CYFIP1: variants seen among roughly 807,000 people sequenced by gnomAD.
CYFIP1 encodes the protein cytoplasmic FMR1-interacting protein 1.
A neutral mutation model predicts 163.5 loss-of-function variants in CYFIP1; 58 were observed. The ratio of observed to expected loss-of-function variants is 0.35; its 90% CI spans 0.29 to 0.44. The LOEUF (loss-of-function observed/expected upper bound fraction) is 0.44. CYFIP1 is among the 20% of genes least tolerant of loss of function. CYFIP1 has a pLI of 1.00. For missense variants in CYFIP1, 1,338 were observed against 1,653.8 expected, an observed-to-expected ratio of 0.81 and a Z score of 3.31; for synonymous variants, 663 against 660.7, an observed-to-expected ratio of 1.00 and a Z score of -0.05.
rs935745353 is a variant in CYFIP1 at position 22,869,401 on chromosome 15, G to C, written c.*627C>G. The C allele has an allele frequency of 6.6e-6, 1 of 152,248 alleles. No homozygotes were observed. The highest frequency in any genetic ancestry group is 1.5e-5 in the Non-Finnish European group (1 of 68,102). The allele number at this position is 152,248 out of a possible 1,614,324, so 9.4% of individuals were successfully genotyped here. A position where few individuals can be genotyped will look rare whatever the true frequency, so the allele number is the denominator to read the frequency against. ...CCATCCCAGCTGGCCTGGTATGTGA[G>C]TTCAGGTTAGAGTTCCTTGCCAAGC... On this transcript the variant is annotated 3_prime_UTR_variant, in exon 31 of 31. Transcript: ENST00000617928.
chr15:22,879,866 G>T, intron 26 of CYFIP1, 47 bp downstream of exon 26: 1 of 1,432,998 alleles, frequency 7.0e-7, no homozygotes, highest in Non-Finnish European at 9.5e-7. Flanking sequence ...GTGGGGTGGG[G>T]TGGGGTGGGC....
At chr15:22,876,733 A>C (rs1443138117) in intron 26 of CYFIP1, among the ~76,000 whole-genome samples, 1 of 152,056 alleles carries the variant, frequency 6.6e-6, no homozygotes, top group Non-Finnish European at 1.5e-5. Flanking sequence ...CGGGAGACTG[A>C]GGCAGGAGAA....
chr15:22,904,010 G>C, intron 21 of CYFIP1, 105 bp from the exon 22 acceptor site: 1 of 1,055,970 alleles, frequency 9.5e-7, no homozygotes. Context: ...TGGCAGGGCT[G>C]CACGGAGGCA....
intron 1 of CYFIP1, among the ~76,000 whole-genome samples, chr15:22,949,987 A>G (rs1167525191): frequency 6.6e-6 from 1 of 152,166 alleles, no homozygotes; most frequent in African/African-American, 2.4e-5. Flanking sequence ...AAATTAACAT[A>G]CTTTTTAAAA....
Position 22,867,064 on chromosome 15 carries a change from T to C in CYFIP1, c.*2964A>G. ...CAGCACATGACGATTTCTATTAACA[T>C]TTTATTGTTGTAGAAGTATTTTACA... On this transcript the variant is annotated 3_prime_UTR_variant, in exon 31 of 31. Transcript: ENST00000617928. The C allele has an allele frequency of 1.9e-6, 1 of 520,300 alleles. No individual in the cohort carries two copies. The highest frequency in any genetic ancestry group is 3.3e-6 in the Non-Finnish European group (1 of 299,424). 32.2% of individuals were successfully genotyped at this position (520,300 alleles called of 1,614,324 possible). A position where few individuals can be genotyped will look rare whatever the true frequency, so the allele number is the denominator to read the frequency against.
chr15:22,870,414 T>C (rs1595476633), intron 30 of CYFIP1, among the ~76,000 whole-genome samples: 1 of 151,872 alleles, frequency 6.6e-6, no homozygotes, highest in South Asian at 2.1e-4. Context: ...CCTCAAGACA[T>C]CCTCCCACCT....
At chr15:22,881,604 T>C (rs982801688) in intron 25 of CYFIP1, among the ~76,000 whole-genome samples, 2 of 152,028 alleles carry the variant, frequency 1.3e-5, no homozygotes, top group African/African-American at 2.4e-5. Context: ...GGCAATTCTT[T>C]CGTAGGGGTG....
At chr15:22,928,762 C>A (rs2061439828) in intron 11 of CYFIP1, among the ~76,000 whole-genome samples, 1 of 152,162 alleles carries the variant, frequency 6.6e-6, no homozygotes, top group Non-Finnish European at 1.5e-5. Flanking sequence ...TAGAACCACA[C>A]AAATATTTTA....
intron 1 of CYFIP1, among the ~76,000 whole-genome samples, chr15:22,964,306 ACACACAC>A (rs1421423868): frequency 2.3e-4 from 26 of 112,222 alleles, no homozygotes; most frequent in African/African-American, 7.1e-4. Flanking sequence ...ACACACACAC[ACACACAC>A]AACTGGCGGC....
intron 1 of CYFIP1, among the ~76,000 whole-genome samples, chr15:22,975,532 G>A (rs1000860121): frequency 6.6e-6 from 1 of 151,820 alleles, no homozygotes; most frequent in African/African-American, 2.4e-5. Context: ...AGGCAGAGGC[G>A]GGCAGATCAC....
chr15:22,962,421 G>A (rs7182234), intron 1 of CYFIP1, among the ~76,000 whole-genome samples: 2,682 of 144,612 alleles, frequency 0.019, 67 homozygotes, highest in East Asian at 0.11. Context: ...TTCTTGAGAC[G>A]GAGTTTTGCT....
chr15:22,900,686 CACCGTGCCTG>C (rs1251687000), intron 22 of CYFIP1, among the ~76,000 whole-genome samples: 3 of 151,580 alleles, frequency 2.0e-5, no homozygotes, highest in Non-Finnish European at 4.4e-5. Flanking sequence ...AGGCATGAGC[CACCGTGCCTG>C]GCCGAGCCTG....
chr15:22,901,210 C>CAA lies in CYFIP1; in HGVS notation c.2588+2494_2588+2495dup, dbSNP rs564175833. On this transcript the variant is annotated intron_variant, in intron 22 of 30. Coordinates refer to ENST00000617928, the MANE Select transcript of CYFIP1 (RefSeq NM_014608.6). ...AGAGTAAGACTCTGTCACAAAAAAACAAAAAAAAAAACCAAAAAAACAACT... is the reference window on the plus strand; with the variant it reads ...AGAGTAAGACTCTGTCACAAAAAAACAAAAAAAAAAAAACCAAAAAAACAACT... 2.4e-3 allele frequency among the ~76,000 whole-genome samples: 332 copies of CAA among 141,094 alleles called. 1 individual carries two copies. The highest frequency in any genetic ancestry group is 8.3e-3 in the African/African-American group (318 of 38,428). 92.6% of individuals were successfully genotyped at this position (141,094 alleles called of 152,430 possible).
In CYFIP1 at chr15:22,892,829, C is replaced by T. The variant is rs2060117408; in HGVS notation, c.2676+61G>A. ...CACTGCAACCAAACCAATTAAACTA[C>T]ACTTCAAAACATGCTTCATTATGAG... On this transcript the variant is annotated intron_variant, in intron 23 of 30. Coordinates refer to ENST00000617928, the MANE Select transcript of CYFIP1 (RefSeq NM_014608.6). 7.9e-6 allele frequency: 10 copies of T among 1,271,070 alleles called. No individual in the cohort carries two copies. In the East Asian group the frequency reaches 1.4e-4, roughly 18 times the overall value. 78.7% of individuals were successfully genotyped at this position (1,271,070 alleles called of 1,614,324 possible).
At chr15:22,942,830 C>G (rs540785052) in intron 6 of CYFIP1, among the ~76,000 whole-genome samples, 6 of 152,200 alleles carry the variant, frequency 3.9e-5, no homozygotes, top group Non-Finnish European at 8.8e-5. Context: ...GCCCCCTTGC[C>G]AAGATGCTCC....
Position 22,933,814 on chromosome 15 carries a change from T to C in CYFIP1, c.980A>G (p.Glu327Gly). Reference sequence around the variant, plus strand: ...CCTCTCCTCCTACCGAGATTTATTTTCCTCGTAGTGGGCGCTGGTCTTGAT... The same window carrying C: ...CCTCTCCTCCTACCGAGATTTATTTCCCTCGTAGTGGGCGCTGGTCTTGAT... Reference protein sequence around the residue: ...RYIKTSAHYEENKSRWTCTSS... With the variant: ...RYIKTSAHYEGNKSRWTCTSS... The change falls in exon 10 of 31, where the codon GAA becomes GGA. Residue 327 changes from glutamate to glycine, a missense_variant. Physicochemically the swap from Glu to Gly is moderately conservative, Grantham distance 98 (BLOSUM62 -2). Coordinates refer to ENST00000617928, the MANE Select transcript of CYFIP1 (RefSeq NM_014608.6). 6.2e-7 allele frequency: 1 copy of C among 1,612,892 alleles called. No individual in the cohort carries two copies. The highest frequency in any genetic ancestry group is 8.5e-7 in the Non-Finnish European group (1 of 1,179,518).
At chr15:22,887,205 A>C (rs1321009194) in intron 23 of CYFIP1, among the ~76,000 whole-genome samples, 1 of 152,182 alleles carries the variant, frequency 6.6e-6, no homozygotes, top group Non-Finnish European at 1.5e-5. Flanking sequence ...CTTCTAGTGA[A>C]TTATCAGATG....
intron 1 of CYFIP1, chr15:22,951,608 T>TG (rs1283452308): frequency 8.0e-7 from 1 of 1,244,896 alleles, no homozygotes; most frequent in African/African-American, 1.5e-5. Flanking sequence ...AGGAGAGGCC[T>TG]GGGGGCGTGT....
intron 20 of CYFIP1, 54 bp downstream of exon 20, chr15:22,910,466 C>T (rs1566958356): frequency 2.5e-5 from 37 of 1,487,878 alleles, no homozygotes; most frequent in Non-Finnish European, 2.9e-5. Flanking sequence ...AGCCGAAAAC[C>T]CAGTCTTTTC....
Sources: gnomAD v4.1 joint callset for allele counts (sites outside exome capture counted in the v4.1 genomes callset) on GRCh38, gnomAD v4.1.1 for gene constraint, MANE v1.5 for transcripts, NCBI Gene and HGNC (gene_info 2026-07-23, HGNC 2026-07-21) for gene names.